Variants in HDLBP observed in about 807,000 individuals in gnomAD.
HDLBP encodes the protein high density lipoprotein binding protein.
HDLBP carries 30 observed loss-of-function variants against 137.3 expected under a neutral mutation model. The ratio of observed to expected loss-of-function variants is 0.22; its 90% CI spans 0.16 to 0.30. The LOEUF (loss-of-function observed/expected upper bound fraction) is 0.30, where lower values mean the gene tolerates loss of function less well. HDLBP is among the 10% of genes least tolerant of loss of function. The pLI, the probability that HDLBP is intolerant of heterozygous loss-of-function variation, is 1.00. For synonymous variants in HDLBP, 606 were observed against 596.0 expected (o/e 1.02, Z -0.24); for missense variants, 1,119 against 1,667.3 (o/e 0.67, Z 5.73).
At chr2:241,251,478 C>T (rs945475221) in intron 11 of HDLBP, among the ~76,000 whole-genome samples, 7 of 152,190 alleles carry the variant, frequency 4.6e-5, no homozygotes, top group East Asian at 1.9e-4. Context: ...ATAACAAAAA[C>T]GGATACACGG....
At chr2:241,302,033 T>A in intron 1 of HDLBP, among the ~76,000 whole-genome samples, 1 of 147,308 alleles carries the variant, frequency 6.8e-6, no homozygotes. Context: ...AAGTTCAAGA[T>A]CAGCTTGGGC....
intron 1 of HDLBP, among the ~76,000 whole-genome samples, chr2:241,310,980 G>C (rs1026157115): frequency 1.3e-5 from 2 of 152,054 alleles, no homozygotes; most frequent in Admixed American, 6.5e-5. Context: ...CAGGTGTGGC[G>C]GTGCATGCCT....
chr2:241,238,633 C>G lies in HDLBP; in HGVS notation c.2749+16G>C, dbSNP rs201904947. 1.3e-6 allele frequency: 2 copies of G among 1,543,272 alleles called. No homozygotes were observed. Among genetic ancestry groups the G allele is most frequent in the Non-Finnish European group, 1.8e-6 (2 of 1,135,406 alleles). On this transcript the variant is annotated intron_variant, in intron 20 of 27. Coordinates refer to ENST00000310931, the MANE Select transcript of HDLBP (RefSeq NM_005336.6). This position sits in a 1 kb window ranked among gnomAD's most constrained non-coding sequence, Gnocchi z 4.9. ...GCCACTATTAACAAGCAGAGCAGGG[C>G]TAATGGGGGACCCACCTGCGTTCTC...
intron 14 of HDLBP, 60 bp downstream of exon 14, chr2:241,247,943 G>A: frequency 8.5e-7 from 1 of 1,176,268 alleles, no homozygotes; most frequent in Non-Finnish European, 1.3e-6. Flanking sequence ...CTTCTGACAG[G>A]ACGCATGCCC....
At chr2:241,270,979 G>A in intron 1 of HDLBP, 2 of 984,992 alleles carry the variant, frequency 2.0e-6, no homozygotes, top group Non-Finnish European at 2.4e-6. Context: ...AATACCACCA[G>A]GGACAGGAAA....
chr2:241,267,516 A>G, intron 2 of HDLBP: 1 of 1,469,908 alleles, frequency 6.8e-7, no homozygotes, highest in Non-Finnish European at 9.2e-7. Flanking sequence ...GGCATAGATC[A>G]ACACCAGGAT....
chr2:241,275,243 G>A (rs1315199835), intron 1 of HDLBP, among the ~76,000 whole-genome samples: 4 of 152,038 alleles, frequency 2.6e-5, no homozygotes, highest in African/African-American at 4.8e-5. Context: ...CCACAGATCA[G>A]CACAAATGGT....
chr2:241,284,202 G>T (rs2074719538), intron 1 of HDLBP, among the ~76,000 whole-genome samples: 1 of 152,174 alleles, frequency 6.6e-6, no homozygotes, highest in African/African-American at 2.4e-5. Context: ...TAATACTTAA[G>T]AAATTATTTT....
intron 24 of HDLBP, among the ~76,000 whole-genome samples, chr2:241,232,854 A>AT (rs1559474195): frequency 7.1e-6 from 1 of 141,732 alleles, no homozygotes; most frequent in Non-Finnish European, 1.6e-5. Flanking sequence ...AAGACTAAAA[A>AT]TTAAAAAATG....
rs1421244516 is a variant in HDLBP, at chr2:241,247,907, G to A, written c.1731+96C>T. The A allele has an allele frequency of 4.8e-6, 4 of 829,280 alleles. No homozygotes were observed. The East Asian group carries it at 9.8e-5, about 20-fold the overall frequency. 51.4% of individuals were successfully genotyped at this position (829,280 alleles called of 1,614,324 possible). ...GCCCAGGGCCTATGTGCTTTCCCCAGAGCAGGGGTCCTGTGGGGGTCAGGA... is the reference window on the plus strand; with the variant it reads ...GCCCAGGGCCTATGTGCTTTCCCCAAAGCAGGGGTCCTGTGGGGGTCAGGA... On this transcript the variant is annotated intron_variant, in intron 14 of 27. Transcript: ENST00000310931.
chr2:241,242,867 C>T, intron 16 of HDLBP, 189 bp from the exon 17 acceptor site: 2 of 607,590 alleles, frequency 3.3e-6, no homozygotes, highest in Non-Finnish European at 2.9e-6. Context: ...AGTGCACGTC[C>T]TGGGGAGAGT....
At chr2:241,259,556 A>C (rs1463537775) in intron 5 of HDLBP, among the ~76,000 whole-genome samples, 1 of 152,122 alleles carries the variant, frequency 6.6e-6, no homozygotes, top group Non-Finnish European at 1.5e-5. Context: ...TGGTGCAAAC[A>C]CTGCTCACAG....
chr2:241,237,406 A>G (rs756716342), intron 20 of HDLBP, among the ~76,000 whole-genome samples: 1 of 152,184 alleles, frequency 6.6e-6, no homozygotes, highest in Non-Finnish European at 1.5e-5. Context: ...TAGACACCAC[A>G]ACAATAAGTG....
At chr2:241,273,665 G>A (rs1330649493) in intron 1 of HDLBP, 2 of 985,136 alleles carry the variant, frequency 2.0e-6, no homozygotes, top group Middle Eastern at 5.2e-4. Context: ...ATCCTGCATA[G>A]GGCACAGGAT....
chr2:241,255,135 AGAG>A lies in HDLBP; in HGVS notation c.1101_1103del (p.Ser368del), dbSNP rs1454140485. ...GGTGAAGCCAGGAAGGGGCGGCGAC[AGAG>A]GAGACGGTGAAGCTATTGGCCTAAG... On this transcript the variant is annotated inframe_deletion, in exon 9 of 28. Transcript: ENST00000310931. 18 of 1,614,042 alleles carry A rather than the reference AGAG, an allele frequency of 1.1e-5. No homozygotes were observed. Among genetic ancestry groups the A allele is most frequent in the African/African-American group, 4.0e-5 (3 of 74,924 alleles).
At chr2:241,235,632 G>C in intron 21 of HDLBP, 38 bp from the exon 22 acceptor site, 1 of 1,438,246 alleles carries the variant, frequency 7.0e-7, no homozygotes, top group Non-Finnish European at 9.8e-7. Context: ...CGTGGGAGCT[G>C]AGAGCAGAGT....
chr2:241,235,788 G>A (rs1018746288), intron 21 of HDLBP, among the ~76,000 whole-genome samples, 194 bp from the exon 22 acceptor site: 1 of 152,202 alleles, frequency 6.6e-6, no homozygotes, highest in Non-Finnish European at 1.5e-5. Context: ...GCTAATGCTG[G>A]CAGACAGAAA....
rs761156318 is a variant in HDLBP, at chr2:241,238,683, A to C, written c.2715T>G (p.Val905=). Residue 905 remains valine (V), a synonymous_variant, in exon 20 of 28, where the codon GTT becomes GTG. Transcript: ENST00000310931. The surrounding 1 kb of genome is among the most constrained non-coding windows in gnomAD (Gnocchi z 4.9). Reference sequence around the variant, plus strand: ...CCTCTCTGTCTGGGAATTTAATTTGAACACTGAAATCCCGAGTAATCTGCT... The same window carrying C: ...CCTCTCTGTCTGGGAATTTAATTTGCACACTGAAATCCCGAGTAATCTGCT... ...RIQQITRDFS[V]QIKFPDREEN... is the part of the protein sequence containing the mutation. 1.3e-5 allele frequency: 20 copies of C among 1,581,900 alleles called. No homozygotes were observed. In the South Asian group the frequency reaches 2.3e-4, roughly 18 times the overall value.
chr2:241,231,611 C>T (rs1001455577), intron 24 of HDLBP, among the ~76,000 whole-genome samples: 1 of 152,136 alleles, frequency 6.6e-6, no homozygotes, highest in Non-Finnish European at 1.5e-5. Context: ...CCCACGTGGG[C>T]CACAGTCTGG....
Sources: allele counts gnomAD v4.1 joint callset (sites outside exome capture counted in the v4.1 genomes callset), GRCh38; gene constraint gnomAD v4.1.1; non-coding constraint Gnocchi (gnomAD v3.1); transcripts MANE v1.5; gene names NCBI Gene and HGNC (gene_info 2026-07-23, HGNC 2026-07-21).